The following PUDP variants were observed in gnomAD, a reference collection of about 807,000 sequenced individuals.
PUDP encodes the protein pseudouridine-5'-phosphatase.
PUDP carries 8 observed loss-of-function variants against 9.4 expected under a neutral mutation model. The ratio of observed to expected loss-of-function variants is 0.85; its 90% CI spans 0.50 to 1.53. The LOEUF (loss-of-function observed/expected upper bound fraction) is 1.53. PUDP is among the 40% of genes most tolerant of loss of function. The pLI is 0.00. For synonymous variants in PUDP, 99 were observed against 80.7 expected (o/e 1.23, Z -1.22); for missense variants, 188 against 189.7 (o/e 0.99, Z 0.05).
intron 1 of PUDP, among the ~76,000 whole-genome samples, chrX:6,707,112 G>T (rs1924479902): frequency 9.0e-6 from 1 of 111,598 alleles, no homozygotes; most frequent in Admixed American, 9.5e-5. Context: ...TTGCCAGTTT[G>T]TGTTGCAAGC....
chrX:6,787,376 A>G (rs144981692), intron 3 of PUDP, among the ~76,000 whole-genome samples: 95 of 112,317 alleles, frequency 8.5e-4, no homozygotes, highest in Non-Finnish European at 1.5e-3. Flanking sequence ...ATTGGTACAG[A>G]TCACCTAGCA....
At chrX:6,897,959 C>T (rs1445948594) in intron 3 of PUDP, among the ~76,000 whole-genome samples, 1 of 112,278 alleles carries the variant, frequency 8.9e-6, no homozygotes, top group Non-Finnish European at 1.9e-5. Flanking sequence ...GTAGGTTTCA[C>T]ATAGAAGATG....
chrX:6,838,642 A>C (rs1926620016), intron 3 of PUDP, among the ~76,000 whole-genome samples: 1 of 112,218 alleles, frequency 8.9e-6, no homozygotes, highest in South Asian at 3.7e-4. Flanking sequence ...ATTATCACAA[A>C]ATTGATACAG....
At chrX:7,132,922 G>GTTC (rs1214512672) in intron 1 of PUDP, among the ~76,000 whole-genome samples, 1 of 111,744 alleles carries the variant, frequency 8.9e-6, no homozygotes, top group Admixed American at 9.5e-5. Flanking sequence ...TGTGGTAAAG[G>GTTC]TTCTCAGTAA....
At chrX:7,060,625 C>T (rs1370012242) in intron 3 of PUDP, among the ~76,000 whole-genome samples, 1 of 112,448 alleles carries the variant, frequency 8.9e-6, no homozygotes, top group African/African-American at 3.2e-5. Flanking sequence ...TCCCGCAAAG[C>T]AGCACTCCGA....
chrX:6,762,451 A>AT (rs1925238604), intron 3 of PUDP, among the ~76,000 whole-genome samples: 1 of 111,609 alleles, frequency 9.0e-6, no homozygotes, highest in Non-Finnish European at 1.9e-5. Flanking sequence ...TATGTTTAAT[A>AT]TTTTTTCTCC....
At chrX:6,948,306 C>T (rs945114720) in intron 3 of PUDP, among the ~76,000 whole-genome samples, 1 of 111,702 alleles carries the variant, frequency 9.0e-6, no homozygotes, top group Non-Finnish European at 1.9e-5. Context: ...ACCTTGTCTT[C>T]TACGTTACTC....
chrX:6,888,075 C>A (rs1016663343), intron 3 of PUDP, among the ~76,000 whole-genome samples: 4 of 111,238 alleles, frequency 3.6e-5, no homozygotes, highest in African/African-American at 1.3e-4. Flanking sequence ...TTTTTGAGAG[C>A]GAGAACAATG....
intron 3 of PUDP, among the ~76,000 whole-genome samples, chrX:6,768,671 A>G (rs964302593): frequency 4.4e-5 from 5 of 112,452 alleles, no homozygotes; most frequent in Non-Finnish European, 9.4e-5. Context: ...TGTAAGATCC[A>G]GAATTCACAG....
At chrX:6,908,988 A>G (rs1202419948) in intron 3 of PUDP, among the ~76,000 whole-genome samples, 1 of 111,152 alleles carries the variant, frequency 9.0e-6, no homozygotes, top group Non-Finnish European at 1.9e-5. Context: ...AGAGCTTGGG[A>G]GTCTCTACTA....
chrX:7,000,001 C>A (rs756844597), intron 1 of PUDP, among the ~76,000 whole-genome samples: 7 of 109,868 alleles, frequency 6.4e-5, no homozygotes, highest in Admixed American at 3.9e-4. Context: ...CATTGTGTAT[C>A]CACCAAAGGG....
intron 3 of PUDP, among the ~76,000 whole-genome samples, chrX:6,905,979 C>T (rs1927760579): frequency 8.9e-6 from 1 of 112,104 alleles, no homozygotes; most frequent in African/African-American, 3.2e-5. Flanking sequence ...TTCTCCTCTC[C>T]ATTCCTCAGG....
chrX:6,786,803 A>G (rs1453793043), intron 3 of PUDP, among the ~76,000 whole-genome samples: 1 of 112,093 alleles, frequency 8.9e-6, no homozygotes, highest in Non-Finnish European at 1.9e-5. Context: ...AGTACCTTAT[A>G]AAATATTCCA....
intron 2 of PUDP, among the ~76,000 whole-genome samples, chrX:7,081,857 G>A (rs1931101172): frequency 8.8e-6 from 1 of 113,009 alleles, no homozygotes; most frequent in Non-Finnish European, 1.9e-5. Flanking sequence ...ATGTTAGGTA[G>A]TGTCGTTATC....
chrX:7,141,081 C>T (rs1276125583), intron 1 of PUDP, among the ~76,000 whole-genome samples: 1 of 111,720 alleles, frequency 9.0e-6, no homozygotes, highest in Non-Finnish European at 1.9e-5. Flanking sequence ...CTGAATCACA[C>T]TAATATTGAA....
At chrX:6,942,140 CA>C (rs1928408923) in intron 3 of PUDP, among the ~76,000 whole-genome samples, 1 of 111,325 alleles carries the variant, frequency 9.0e-6, no homozygotes, top group South Asian at 3.7e-4. Context: ...ACTAAAAGCC[CA>C]GAATTCACCA....
intron 3 of PUDP, among the ~76,000 whole-genome samples, chrX:6,875,270 C>T (rs7472394): frequency 0.096 from 10,586 of 110,336 alleles, 620 homozygotes; most frequent in East Asian, 0.46. Flanking sequence ...AGTCTCGGTA[C>T]GTTGCCCAGG....
chrX:6,951,654 T>C (rs1455555324), intron 3 of PUDP, among the ~76,000 whole-genome samples: 3 of 111,806 alleles, frequency 2.7e-5, no homozygotes, highest in African/African-American at 6.5e-5. Context: ...GCAATGGTGG[T>C]TGATGCTCTT....
Position 7,030,833 on chromosome X carries a change from T to C in PUDP, c.204+46387A>G, listed in dbSNP as rs150479979. ...ACCCCAAGAGAGGGTTCTTGGATCT[T>C]GCCAAGAAAGAATTCAGGTCGAGTC... On this transcript the variant is annotated intron_variant and NMD_transcript_variant, in intron 1 of 3. Coordinates refer to the PUDP transcript ENST00000655425. Among the ~76,000 whole-genome samples the C allele has an allele frequency of 3.7e-4, 41 of 111,504 alleles. No homozygotes were observed. In the East Asian group the frequency reaches 5.4e-3, roughly 15 times the overall value.
Sources: gnomAD v4.1 joint callset for allele counts (sites outside exome capture counted in the v4.1 genomes callset) on GRCh38, gnomAD v4.1.1 for gene constraint, MANE v1.5 for transcripts, NCBI Gene and HGNC (gene_info 2026-07-23, HGNC 2026-07-21) for gene names.